Variants in ARMC2 observed in about 807,000 individuals in gnomAD.
ARMC2 encodes the protein armadillo repeat-containing protein 2.
Under a neutral mutation model 90.3 loss-of-function variants are expected in ARMC2, and 67 were observed. That is an observed-to-expected ratio of 0.74 (90% CI 0.61 to 0.91). The LOEUF is 0.91. Among genes scored for constraint, ARMC2 ranks in the 40% least tolerant of loss-of-function variants. The pLI is 0.00. For synonymous variants in ARMC2, 393 were observed against 393.0 expected, an observed-to-expected ratio of 1.00 and a Z score of 0.00; for missense variants, 920 against 1,030.9, an observed-to-expected ratio of 0.89 and a Z score of 1.47.
chr6:108,849,879 C>T (rs1773827773), intron 1 of ARMC2, among the ~76,000 whole-genome samples: 1 of 152,210 alleles, frequency 6.6e-6, no homozygotes, highest in Non-Finnish European at 1.5e-5. Context: ...AGCATTTAAA[C>T]CCTTAGTCCA....
the ARMC2 span, among the ~76,000 whole-genome samples, chr6:108,979,597 G>A: frequency 6.6e-6 from 1 of 152,014 alleles, no homozygotes; most frequent in African/African-American, 2.4e-5. Flanking sequence ...TTTCCAACTC[G>A]GTTCCATTTT....
At chr6:109,044,311 CAAAAAAAAAAA>C in the ARMC2 span, among the ~76,000 whole-genome samples, 52 of 28,434 alleles carry the variant, frequency 1.8e-3, no homozygotes, top group East Asian at 5.2e-3. Flanking sequence ...GAACTTGCCT[CAAAAAAAAAAA>C]AAAAAAAAAA....
At chr6:108,964,913 TAAC>T in intron 16 of ARMC2, 64 bp from the exon 17 acceptor site, 1 of 1,190,110 alleles carries the variant, frequency 8.4e-7, no homozygotes, top group Non-Finnish European at 1.2e-6. Context: ...ATCATTATGC[TAAC>T]AATATTAAAA....
At chr6:108,930,323 A>G (rs1359669566) in intron 11 of ARMC2, among the ~76,000 whole-genome samples, 2 of 152,032 alleles carry the variant, frequency 1.3e-5, no homozygotes, top group South Asian at 2.1e-4. Context: ...TGAATTTTCT[A>G]TGCATATTAT....
Position 108,973,345 on chromosome 6 carries a change from T to C in ARMC2, c.2447-12T>C. On this transcript the variant is annotated splice_polypyrimidine_tract_variant and intron_variant, in intron 17 of 17. Coordinates refer to ENST00000392644, the MANE Select transcript of ARMC2 (RefSeq NM_032131.6). ...TCTAAATAATGCTGTAATTTAAATT[T>C]TTCTAATACAGATGAAGAACTAGCA... The C allele has an allele frequency of 6.3e-7, 1 of 1,598,176 alleles. No homozygotes were observed. The highest frequency in any genetic ancestry group is 8.5e-7 in the Non-Finnish European group (1 of 1,171,950).
chr6:109,018,992 A>G, the ARMC2 span, among the ~76,000 whole-genome samples: 11 of 152,170 alleles, frequency 7.2e-5, no homozygotes, highest in African/African-American at 2.7e-4. Flanking sequence ...ATAACCCCTT[A>G]ATTTCAAATT....
intron 5 of ARMC2, among the ~76,000 whole-genome samples, chr6:108,892,330 G>A (rs1771152584): frequency 6.6e-6 from 1 of 152,126 alleles, no homozygotes; most frequent in Non-Finnish European, 1.5e-5. Context: ...CGATTGGCTA[G>A]TGACATTTGC....
chr6:109,035,554 AAAAAAG>A, the ARMC2 span, among the ~76,000 whole-genome samples: 1 of 152,076 alleles, frequency 6.6e-6, no homozygotes, highest in African/African-American at 2.4e-5. Flanking sequence ...GAGGGAAAAA[AAAAAAG>A]GAAAAGGAAA....
At chr6:108,953,448 C>A in intron 13 of ARMC2, 97 bp downstream of exon 13, 1 of 1,251,552 alleles carries the variant, frequency 8.0e-7, no homozygotes, top group Non-Finnish European at 1.1e-6. Flanking sequence ...ATTTTATTAT[C>A]ACAAGTGGCT....
the ARMC2 span, among the ~76,000 whole-genome samples, chr6:109,018,569 AG>A: frequency 0.1 from 15,226 of 152,284 alleles, 921 homozygotes; most frequent in Middle Eastern, 0.19. Context: ...GTAATGTTGA[AG>A]GAACAGATTG....
chr6:108,890,225 A>C (rs1370865412), intron 5 of ARMC2, among the ~76,000 whole-genome samples: 3 of 124,052 alleles, frequency 2.4e-5, no homozygotes, highest in African/African-American at 9.5e-5. Context: ...AAAAAAAAAA[A>C]AAAACAGTGG....
chr6:108,880,058 C>A, intron 5 of ARMC2: 1 of 401,928 alleles, frequency 2.5e-6, no homozygotes, highest in Non-Finnish European at 4.9e-6. Context: ...AAGGCATTCT[C>A]CAGTAATCCA....
chr6:108,931,830 C>T (rs891966158), intron 11 of ARMC2, among the ~76,000 whole-genome samples: 3 of 150,878 alleles, frequency 2.0e-5, no homozygotes, highest in Admixed American at 1.3e-4. Flanking sequence ...ATGGCATGAT[C>T]TCGGCTCACC....
intron 11 of ARMC2, among the ~76,000 whole-genome samples, chr6:108,936,375 G>A (rs1211122647): frequency 6.6e-6 from 1 of 152,128 alleles, no homozygotes; most frequent in Non-Finnish European, 1.5e-5. Flanking sequence ...TCCTGCCTGG[G>A]CCTCCAGAGT....
intron 8 of ARMC2, among the ~76,000 whole-genome samples, chr6:108,905,632 C>T (rs948687176): frequency 3.3e-5 from 5 of 151,794 alleles, no homozygotes; most frequent in Admixed American, 6.6e-5. Context: ...AATATTATTT[C>T]GGTTATTAAT....
the ARMC2 span, among the ~76,000 whole-genome samples, chr6:109,023,144 C>G: frequency 5.3e-5 from 8 of 152,336 alleles, no homozygotes; most frequent in African/African-American, 1.9e-4. Flanking sequence ...TAACATCTCT[C>G]AATATATCTT....
At chr6:108,932,803 C>T (rs989961787) in intron 11 of ARMC2, among the ~76,000 whole-genome samples, 1 of 152,124 alleles carries the variant, frequency 6.6e-6, no homozygotes, top group Non-Finnish European at 1.5e-5. Context: ...GCTGGGATTA[C>T]AGGCGTGAGC....
the ARMC2 span, chr6:109,002,317 T>C: frequency 6.2e-7 from 1 of 1,613,430 alleles, no homozygotes; most frequent in Middle Eastern, 1.7e-4. Context: ...CCTGTCCTAG[T>C]GGTCGAGGAA....
chr6:109,042,993 T>C, the ARMC2 span, among the ~76,000 whole-genome samples: 1 of 152,088 alleles, frequency 6.6e-6, no homozygotes, highest in Non-Finnish European at 1.5e-5. Context: ...AAGCATTATA[T>C]ATCAAGATTT....
Sources: gnomAD v4.1 joint callset for allele counts (sites outside exome capture counted in the v4.1 genomes callset) on GRCh38, gnomAD v4.1.1 for gene constraint, MANE v1.5 for transcripts, NCBI Gene and HGNC (gene_info 2026-07-23, HGNC 2026-07-21) for gene names.